PLCL1: variants seen among roughly 807,000 people sequenced by gnomAD.
PLCL1 encodes phospholipase C like 1 (inactive).
Under a neutral mutation model 84.4 loss-of-function variants are expected in PLCL1, and 41 were observed. The ratio of observed to expected loss-of-function variants is 0.49; its 90% confidence interval spans 0.38 to 0.63. The LOEUF (loss-of-function observed/expected upper bound fraction) is 0.63. Ranked by LOEUF, PLCL1 falls within the 30% of genes least tolerant of loss-of-function variation. The pLI, the probability that PLCL1 is intolerant of heterozygous loss-of-function variation, is 0.00. For synonymous variants in PLCL1, 490 were observed against 488.3 expected (o/e 1.00, Z -0.05); for missense variants, 1,206 against 1,367.8 (o/e 0.88, Z 1.87).
At chr2:197,810,636 A>G (rs1690565608) in intron 1 of PLCL1, among the ~76,000 whole-genome samples, 2 of 152,214 alleles carry the variant, frequency 1.3e-5, no homozygotes, top group Admixed American at 1.3e-4. Flanking sequence ...AAAAGATATC[A>G]GGAGACAGCC....
At position 198,149,521 on chromosome 2, in the gene PLCL1, T is replaced by G. The variant is rs1392331750; in HGVS notation, c.*2559T>G. 1.3e-5 allele frequency: 2 copies of G among 152,184 alleles called. No homozygotes were observed. Among genetic ancestry groups the G allele is most frequent in the Non-Finnish European group, 2.9e-5 (2 of 68,026 alleles). 9.4% of individuals were successfully genotyped at this position (152,184 alleles called of 1,614,324 possible). On this transcript the variant is annotated 3_prime_UTR_variant, in exon 6 of 6. Coordinates refer to ENST00000428675, the MANE Select transcript of PLCL1 (RefSeq NM_006226.4). ...AGATTATATACTTAGTGATTTTGAT[T>G]TTAAGTTTATTCTTAACATTTTAAA... is the stretch of plus-strand genomic sequence containing the variant.
chr2:197,997,689 A>C (rs1023518073), intron 1 of PLCL1, among the ~76,000 whole-genome samples: 2 of 152,146 alleles, frequency 1.3e-5, no homozygotes, highest in Non-Finnish European at 2.9e-5. Flanking sequence ...CAAGTGATGC[A>C]TTATAGGTCT....
intron 5 of PLCL1, among the ~76,000 whole-genome samples, chr2:198,133,748 C>T (rs1486694463): frequency 6.6e-6 from 1 of 152,094 alleles, no homozygotes; most frequent in Non-Finnish European, 1.5e-5. Context: ...TTTCCCAATA[C>T]ACTCTCCCTC....
intron 1 of PLCL1, among the ~76,000 whole-genome samples, chr2:197,923,187 G>GTCT: frequency 6.8e-6 from 1 of 146,966 alleles, no homozygotes; most frequent in Admixed American, 6.7e-5. Flanking sequence ...CCCGGACGGG[G>GTCT]CGGCTGGCCG....
chr2:197,848,085 T>C (rs1687155189), intron 1 of PLCL1, among the ~76,000 whole-genome samples: 1 of 152,236 alleles, frequency 6.6e-6, no homozygotes, highest in Admixed American at 6.5e-5. Context: ...AGATGAATTC[T>C]GATAAAGCAC....
At chr2:197,881,419 G>A (rs1449453667) in intron 1 of PLCL1, among the ~76,000 whole-genome samples, 1 of 152,066 alleles carries the variant, frequency 6.6e-6, no homozygotes, top group Admixed American at 6.6e-5. Context: ...CCCAGGTGGT[G>A]TTTCTTTTGA....
intron 1 of PLCL1, among the ~76,000 whole-genome samples, chr2:197,825,763 A>G (rs1690916151): frequency 6.6e-6 from 1 of 152,180 alleles, no homozygotes; most frequent in African/African-American, 2.4e-5. Context: ...CATTTTTGCT[A>G]CTTTCTAACT....
intron 1 of PLCL1, among the ~76,000 whole-genome samples, chr2:197,824,968 A>T (rs904159647): frequency 5.5e-4 from 84 of 152,210 alleles, no homozygotes; most frequent in African/African-American, 1.9e-3. Context: ...TCATTTTATT[A>T]TAAGTAATAA....
chr2:197,814,551 C>T (rs1251717230), intron 1 of PLCL1, among the ~76,000 whole-genome samples: 1 of 152,106 alleles, frequency 6.6e-6, no homozygotes, highest in African/African-American at 2.4e-5. Flanking sequence ...CCTATAATGG[C>T]CTCTAAATGT....
chr2:197,820,991 G>C (rs953759081), intron 1 of PLCL1, among the ~76,000 whole-genome samples: 1 of 152,072 alleles, frequency 6.6e-6, no homozygotes, highest in African/African-American at 2.4e-5. Context: ...TTTGAAAATG[G>C]CTTAAGCATT....
intron 1 of PLCL1, among the ~76,000 whole-genome samples, chr2:197,825,504 A>T (rs537766057): frequency 6.6e-6 from 1 of 152,282 alleles, no homozygotes; most frequent in South Asian, 2.1e-4. Flanking sequence ...CACATTTTAG[A>T]CTTTTCTTGC....
At chr2:198,030,211 T>A (rs1454907622) in intron 1 of PLCL1, among the ~76,000 whole-genome samples, 1 of 152,040 alleles carries the variant, frequency 6.6e-6, no homozygotes, top group East Asian at 1.9e-4. Flanking sequence ...TTCCCCTATA[T>A]GTGTCCATGA....
chr2:198,075,263 C>T (rs1183936257), intron 1 of PLCL1, among the ~76,000 whole-genome samples: 18 of 152,162 alleles, frequency 1.2e-4, no homozygotes, highest in Admixed American at 1.2e-3. Context: ...GTTGCGCAGG[C>T]TACCTATTAA....
chr2:197,863,449 G>C (rs942822990), intron 1 of PLCL1, among the ~76,000 whole-genome samples: 5 of 152,024 alleles, frequency 3.3e-5, no homozygotes, highest in Admixed American at 2.6e-4. Context: ...ATGTTTCTGG[G>C]TAGCTTGTCA....
chr2:197,965,010 G>T (rs1275420851), intron 1 of PLCL1, among the ~76,000 whole-genome samples: 1 of 151,852 alleles, frequency 6.6e-6, no homozygotes, highest in Non-Finnish European at 1.5e-5. Context: ...TTATTGGCCT[G>T]TAGTTTTCTT....
chr2:197,958,724 A>G (rs1420614480), intron 1 of PLCL1, among the ~76,000 whole-genome samples: 4 of 152,028 alleles, frequency 2.6e-5, no homozygotes, highest in African/African-American at 9.7e-5. Context: ...CCAACTATGT[A>G]TGAATATTTA....
chr2:197,983,125 C>G (rs1010789943), intron 1 of PLCL1, among the ~76,000 whole-genome samples: 3 of 148,022 alleles, frequency 2.0e-5, no homozygotes, highest in Non-Finnish European at 4.5e-5. Flanking sequence ...GGAAGCTTCT[C>G]TTGGGGATTA....
At chr2:198,125,472 A>T (rs958563898) in intron 5 of PLCL1, among the ~76,000 whole-genome samples, 1 of 152,198 alleles carries the variant, frequency 6.6e-6, no homozygotes, top group Non-Finnish European at 1.5e-5. Context: ...TTAAAATAGT[A>T]TAGCAATGTT....
intron 1 of PLCL1, among the ~76,000 whole-genome samples, chr2:198,060,235 G>T (rs183200841): frequency 4.6e-5 from 7 of 152,260 alleles, no homozygotes; most frequent in African/African-American, 1.7e-4. Flanking sequence ...CATCTTCACC[G>T]CTGAAAAGTG....
Sources: gnomAD v4.1 joint callset for allele counts (sites outside exome capture counted in the v4.1 genomes callset) on GRCh38, gnomAD v4.1.1 for gene constraint, MANE v1.5 for transcripts, NCBI Gene and HGNC (gene_info 2026-07-23, HGNC 2026-07-21) for gene names.